ATOSB: variants seen among roughly 807,000 people sequenced by gnomAD.
ATOSB encodes the protein atos homolog B.
At chr9:35,108,687 CTGGCAAGGTGACT>C in the ATOSB span, 1 of 1,004,864 alleles carries the variant, frequency 1.0e-6, no homozygotes, top group Non-Finnish European at 1.2e-6. Flanking sequence ...GCCTGCTGCA[CTGGCAAGGTGACT>C]GCCACCATTC....
chr9:35,105,484 G>A, the ATOSB span: 2 of 1,352,708 alleles, frequency 1.5e-6, no homozygotes, highest in South Asian at 1.4e-5. The surrounding 1 kb of genome is among the most constrained non-coding windows in gnomAD (Gnocchi z 5.5). Flanking sequence ...TTGAGCCCAG[G>A]AGTTGGAGAC....
At chr9:35,108,571 C>T in the ATOSB span, 1 of 1,202,018 alleles carries the variant, frequency 8.3e-7, no homozygotes, top group South Asian at 2.6e-5. Context: ...GACACACTTC[C>T]CCCTCTTCTC....
the ATOSB span, chr9:35,108,332 T>TG: frequency 6.8e-7 from 1 of 1,468,736 alleles, no homozygotes; most frequent in Non-Finnish European, 8.9e-7. Flanking sequence ...GGGCCTGGGC[T>TG]GGGGGGCCTG....
At chr9:35,112,153 G>C in the ATOSB span, among the ~76,000 whole-genome samples, 1 of 152,204 alleles carries the variant, frequency 6.6e-6, no homozygotes. Context: ...CTCCTTCCAT[G>C]TTAAGAAGTG....
At chr9:35,109,503 G>T in the ATOSB span, 147,206 of 152,384 alleles carry the variant, frequency 0.97, 71,267 homozygotes, top group Middle Eastern at 1. Flanking sequence ...CCCAAACCAC[G>T]GGTGCATAAG....
At chr9:35,114,948 C>G in the ATOSB span, among the ~76,000 whole-genome samples, 3 of 151,428 alleles carry the variant, frequency 2.0e-5, no homozygotes, top group Non-Finnish European at 4.4e-5. Context: ...AACAAAGTAC[C>G]GGGCAGGGCA....
At chr9:35,113,986 C>T in the ATOSB span, among the ~76,000 whole-genome samples, 1 of 152,186 alleles carries the variant, frequency 6.6e-6, no homozygotes, top group Non-Finnish European at 1.5e-5. Flanking sequence ...GTCTCTTTAG[C>T]CATAAATTTC....
the ATOSB span, chr9:35,104,191 A>G: frequency 6.6e-6 from 1 of 152,632 alleles, no homozygotes; most frequent in Non-Finnish European, 1.5e-5. Context: ...ACCAGGTACA[A>G]TTTTTTCCTG....
the ATOSB span, chr9:35,106,510 G>A: frequency 6.5e-5 from 103 of 1,592,584 alleles, no homozygotes; most frequent in Middle Eastern, 6.6e-4. The surrounding 1 kb of genome is among the most constrained non-coding windows in gnomAD (Gnocchi z 4.6). Context: ...CCAGGACCCC[G>A]GCAATCACAA....
the ATOSB span, chr9:35,106,864 G>C: frequency 6.4e-7 from 1 of 1,572,938 alleles, no homozygotes; most frequent in Middle Eastern, 1.7e-4. This position sits in a 1 kb window ranked among gnomAD's most constrained non-coding sequence, Gnocchi z 4.6. Context: ...TTCAGCCTCC[G>C]CCCCATGGGA....
the ATOSB span, chr9:35,105,639 G>T: frequency 6.3e-7 from 1 of 1,594,784 alleles, no homozygotes; most frequent in Non-Finnish European, 8.6e-7. This position sits in a 1 kb window ranked among gnomAD's most constrained non-coding sequence, Gnocchi z 5.5. Context: ...TTCAGGGAGG[G>T]GATACCTGGG....
chr9:35,106,025 G>C, the ATOSB span: 2 of 1,610,656 alleles, frequency 1.2e-6, no homozygotes, highest in Admixed American at 1.7e-5. This position sits in a 1 kb window ranked among gnomAD's most constrained non-coding sequence, Gnocchi z 4.6. Flanking sequence ...AGGCCAGGGA[G>C]CCATCAGTCA....
chr9:35,105,341 C>T, the ATOSB span: 6 of 1,613,754 alleles, frequency 3.7e-6, no homozygotes, highest in Admixed American at 8.3e-5. This position sits in a 1 kb window ranked among gnomAD's most constrained non-coding sequence, Gnocchi z 5.5. Flanking sequence ...TATCTCCATG[C>T]AGGCTTAAGC....
At chr9:35,108,570 C>A in the ATOSB span, 2 of 1,201,074 alleles carry the variant, frequency 1.7e-6, no homozygotes, top group Non-Finnish European at 2.1e-6. Context: ...GGACACACTT[C>A]CCCCTCTTCT....
the ATOSB span, chr9:35,107,819 G>A: frequency 2.5e-6 from 4 of 1,592,762 alleles, no homozygotes; most frequent in East Asian, 2.2e-5. Flanking sequence ...GCAAAGTATT[G>A]CAGGAAGCAT....
At chr9:35,108,234 G>A in the ATOSB span, 17 of 1,577,562 alleles carry the variant, frequency 1.1e-5, no homozygotes, top group Middle Eastern at 1.7e-4. Context: ...GCCAGCCTCC[G>A]GCTCTGAGGA....
At chr9:35,111,547 C>G in the ATOSB span, 1 of 152,274 alleles carries the variant, frequency 6.6e-6, no homozygotes, top group African/African-American at 2.4e-5. Flanking sequence ...GCCGCCGACT[C>G]CACTGCCCCT....
chr9:35,104,952 G>GA, the ATOSB span: 1 of 325,870 alleles, frequency 3.1e-6, no homozygotes, highest in Non-Finnish European at 5.5e-6. Context: ...GGGAACTTGA[G>GA]AAAATCTCAG....
At chr9:35,106,531 G>A in the ATOSB span, 1 of 1,582,898 alleles carries the variant, frequency 6.3e-7, no homozygotes, top group Non-Finnish European at 8.6e-7. The surrounding 1 kb of genome is among the most constrained non-coding windows in gnomAD (Gnocchi z 4.6). Flanking sequence ...ACCCCAACGG[G>A]AGCTACCTCA....
Sources: allele counts gnomAD v4.1 joint callset (sites outside exome capture counted in the v4.1 genomes callset), GRCh38; gene constraint gnomAD v4.1.1; non-coding constraint Gnocchi (gnomAD v3.1); transcripts MANE v1.5; gene names NCBI Gene and HGNC (gene_info 2026-07-23, HGNC 2026-07-21).